ASTN2: variants seen among roughly 807,000 people sequenced by gnomAD.
The protein encoded by ASTN2 is astrotactin 2, also known as astrotactin-2.
A neutral mutation model predicts 139.8 loss-of-function variants in ASTN2; 54 were observed. That is an observed-to-expected ratio of 0.39 (90% CI 0.31 to 0.48). The LOEUF (loss-of-function observed/expected upper bound fraction) is 0.48. Among genes scored for constraint, ASTN2 ranks in the 20% least tolerant of loss-of-function variants. ASTN2 has a pLI of 0.95. For missense variants in ASTN2, 1,565 were observed against 1,725.1 expected (o/e 0.91, Z 1.64); for synonymous variants, 756 against 719.5 (o/e 1.05, Z -0.81).
chr9:117,151,247 G>T (rs1339570703), intron 3 of ASTN2, among the ~76,000 whole-genome samples: 5 of 152,108 alleles, frequency 3.3e-5, no homozygotes, highest in Non-Finnish European at 2.9e-5. Flanking sequence ...TGCTCAGCAT[G>T]GACAGTGGAA....
At chr9:116,542,831 G>T (rs542091460) in intron 19 of ASTN2, among the ~76,000 whole-genome samples, 2 of 152,058 alleles carry the variant, frequency 1.3e-5, no homozygotes, top group African/African-American at 4.8e-5. Context: ...GAGGCAGGAG[G>T]ATTGCTTCAG....
At chr9:117,369,067 G>C (rs577066032) in intron 1 of ASTN2, among the ~76,000 whole-genome samples, 2 of 152,228 alleles carry the variant, frequency 1.3e-5, no homozygotes, top group South Asian at 4.2e-4. Flanking sequence ...AAAAGCACAG[G>C]CCAGCCTGGA....
chr9:116,429,599 T>G (rs759152099), intron 22 of ASTN2, among the ~76,000 whole-genome samples: 2 of 152,266 alleles, frequency 1.3e-5, no homozygotes, highest in Non-Finnish European at 2.9e-5. Flanking sequence ...CTAGAAAGTA[T>G]CATCACCATT....
chr9:117,063,703 G>T (rs1173856889), intron 5 of ASTN2, among the ~76,000 whole-genome samples: 1 of 152,050 alleles, frequency 6.6e-6, no homozygotes, highest in Admixed American at 6.6e-5. Flanking sequence ...AACTTTTGTG[G>T]GCTAGCCTGG....
chr9:116,518,671 T>C (rs1850748849), intron 19 of ASTN2, among the ~76,000 whole-genome samples: 1 of 152,142 alleles, frequency 6.6e-6, no homozygotes, highest in Non-Finnish European at 1.5e-5. Flanking sequence ...AACATCTTAA[T>C]GCTAACATTG....
intron 10 of ASTN2, among the ~76,000 whole-genome samples, chr9:116,929,708 G>T (rs1251256476): frequency 6.6e-6 from 1 of 152,076 alleles, no homozygotes; most frequent in African/African-American, 2.4e-5. Context: ...GCTAAAAATG[G>T]TTATTGCATT....
At chr9:116,649,468 G>A (rs999352411) in intron 17 of ASTN2, among the ~76,000 whole-genome samples, 10 of 151,628 alleles carry the variant, frequency 6.6e-5, no homozygotes, top group Admixed American at 1.3e-4. Context: ...CAGCTACTCC[G>A]GAGGCTGAGG....
At chr9:116,868,966 C>A in intron 10 of ASTN2, among the ~76,000 whole-genome samples, 1 of 152,138 alleles carries the variant, frequency 6.6e-6, no homozygotes, top group Middle Eastern at 3.2e-3. Context: ...AGGTGGATCA[C>A]CTGAGGTCAG....
At chr9:117,070,023 T>G (rs1828069827) in intron 5 of ASTN2, among the ~76,000 whole-genome samples, 1 of 150,468 alleles carries the variant, frequency 6.6e-6, no homozygotes, top group Non-Finnish European at 1.5e-5. Flanking sequence ...AAAGTTAATA[T>G]TGTTATGTGT....
intron 20 of ASTN2, among the ~76,000 whole-genome samples, chr9:116,473,102 T>A (rs191877689): frequency 7.2e-5 from 11 of 152,262 alleles, no homozygotes; most frequent in Non-Finnish European, 1.5e-4. Flanking sequence ...AGACTTTGCA[T>A]AATGAATGGC....
intron 19 of ASTN2, among the ~76,000 whole-genome samples, chr9:116,509,069 T>A (rs573567990): frequency 6.6e-5 from 10 of 152,292 alleles, no homozygotes; most frequent in African/African-American, 1.9e-4. Context: ...GCAGGTTAGT[T>A]ACATATGTAT....
intron 13 of ASTN2, among the ~76,000 whole-genome samples, chr9:116,800,565 T>C (rs1830820940): frequency 6.6e-6 from 1 of 152,002 alleles, no homozygotes; most frequent in African/African-American, 2.4e-5. Context: ...AAATTTGGTC[T>C]CCCCCTGTGG....
At position 116,848,298 on chromosome 9, in the gene ASTN2, T is replaced by C. The variant is rs540320826; in HGVS notation, c.2040+15285A>G. Among the ~76,000 whole-genome samples, 3 of 152,276 alleles carry C rather than the reference T, an allele frequency of 2.0e-5. No homozygotes were observed. In the East Asian group the frequency reaches 5.8e-4, roughly 29 times the overall value. ...CCTCATGTCCTATTACTTCTCTGAG[T>C]AGCACAGAGCCGAGGGAATTTTGCT... On this transcript the variant is annotated intron_variant, in intron 11 of 22. Coordinates refer to ENST00000313400, the MANE Select transcript of ASTN2 (RefSeq NM_001365068.1).
intron 19 of ASTN2, among the ~76,000 whole-genome samples, chr9:116,572,455 A>T (rs1304278321): frequency 6.6e-6 from 1 of 152,174 alleles, no homozygotes; most frequent in Non-Finnish European, 1.5e-5. Context: ...TTAGGAGAGG[A>T]ATGGGTAGGG....
chr9:117,214,485 C>T lies in ASTN2; in HGVS notation c.888G>A (p.Glu296=). The T allele has an allele frequency of 6.2e-7, 1 of 1,614,234 alleles. No individual in the cohort carries two copies. The highest frequency in any genetic ancestry group is 8.5e-7 in the Non-Finnish European group (1 of 1,180,028). Reference sequence around the variant, plus strand: ...CCCGCCTAGGTGGCTCCTCATCCTCCTCACAGTCATAGTCATCCAGGATGG... The same window carrying T: ...CCCGCCTAGGTGGCTCCTCATCCTCTTCACAGTCATAGTCATCCAGGATGG... ...ETPILDDYDC[E]EDEEPPRRAN... The change falls in exon 3 of 23, where the codon GAG becomes GAA. Residue 296 remains glutamate (E), a synonymous_variant. Transcript: ENST00000313400.
chr9:116,902,541 G>C (rs968300557), intron 10 of ASTN2, among the ~76,000 whole-genome samples: 5 of 151,944 alleles, frequency 3.3e-5, no homozygotes, highest in South Asian at 2.1e-4. Context: ...GCAATTTGCT[G>C]TATAGGTTTA....
intron 10 of ASTN2, among the ~76,000 whole-genome samples, chr9:116,909,951 T>C (rs1834266164): frequency 1.3e-5 from 2 of 152,054 alleles, no homozygotes; most frequent in Admixed American, 6.6e-5. Context: ...ATGAGAGCCC[T>C]GGTGGAAGGG....
At chr9:117,390,039 T>C (rs1438062743) in intron 1 of ASTN2, among the ~76,000 whole-genome samples, 1 of 152,074 alleles carries the variant, frequency 6.6e-6, no homozygotes, top group East Asian at 1.9e-4. Context: ...TCAACCCAGG[T>C]TGGCACTTTG....
rs968413588 is a variant in ASTN2, at chr9:117,080,041, A to G, written c.1276+16003T>C. On this transcript the variant is annotated intron_variant, in intron 5 of 22. Coordinates refer to ENST00000313400, the MANE Select transcript of ASTN2 (RefSeq NM_001365068.1). ...AAGGTTCACACCGCGAGGACACATA[A>G]CTATGTGTGTCTGGCTCCAAAGACC... 3.1e-5 allele frequency among the ~76,000 whole-genome samples: 4 copies of G among 129,042 alleles called. No homozygotes were observed. In the Admixed American group the frequency reaches 3.2e-4, roughly 10 times the overall value. 84.7% of individuals were successfully genotyped at this position (129,042 alleles called of 152,430 possible).
Sources: allele counts gnomAD v4.1 joint callset (sites outside exome capture counted in the v4.1 genomes callset), GRCh38; gene constraint gnomAD v4.1.1; transcripts MANE v1.5; gene names NCBI Gene and HGNC (gene_info 2026-07-23, HGNC 2026-07-21).